ADAMTS9: variants seen among roughly 807,000 people sequenced by gnomAD.
ADAMTS9 encodes the protein ADAM metallopeptidase with thrombospondin type 1 motif 9.
A neutral mutation model predicts 257.1 loss-of-function variants in ADAMTS9; 107 were observed. The observed-to-expected ratio is 0.42, with a 90% CI of 0.36 to 0.49. ADAMTS9 has a LOEUF of 0.49. Ranked by LOEUF, ADAMTS9 falls within the 20% of genes least tolerant of loss-of-function variation. The pLI, the probability that ADAMTS9 is intolerant of heterozygous loss-of-function variation, is 0.03. For missense variants in ADAMTS9, 2,353 were observed against 2,469.1 expected, an observed-to-expected ratio of 0.95 and a Z score of 1.00; for synonymous variants, 982 against 880.9, an observed-to-expected ratio of 1.11 and a Z score of -2.03.
chr3:64,604,024 A>T lies in ADAMTS9; in HGVS notation c.3645T>A (p.Ser1215=). 1 of 1,614,128 alleles carries T rather than the reference A, an allele frequency of 6.2e-7. No individual in the cohort carries two copies. The highest frequency in any genetic ancestry group is 8.5e-7 in the Non-Finnish European group (1 of 1,180,006). ...RYVSCRDENG[S]VADESACATL... ...TAGCACAGGCACTCTCGTCAGCCAC[A>T]GAGCCATTCTCATCTCGGCAGCTGA... Residue 1215 remains serine, a synonymous_variant, in exon 25 of 40, where the codon TCT becomes TCA. Coordinates refer to ENST00000498707, the MANE Select transcript of ADAMTS9 (RefSeq NM_182920.2).
intron 38 of ADAMTS9, among the ~76,000 whole-genome samples, chr3:64,531,925 C>T (rs559745632): frequency 1.3e-5 from 2 of 152,294 alleles, no homozygotes; most frequent in East Asian, 1.9e-4. Flanking sequence ...TTCTGCCCCA[C>T]GTTCTCAGGA....
At chr3:64,607,196 C>T (rs766257607) in intron 22 of ADAMTS9, 117 bp from the exon 23 acceptor site, 344 of 1,390,426 alleles carry the variant, frequency 2.5e-4, no homozygotes, top group Non-Finnish European at 2.9e-4. Context: ...AGAGGGCTGG[C>T]GCTCAAATAA....
At chr3:64,647,809 C>A in intron 11 of ADAMTS9, 131 bp downstream of exon 11, 1 of 671,588 alleles carries the variant, frequency 1.5e-6, no homozygotes, top group Middle Eastern at 3.1e-4. Flanking sequence ...AACATCTGTC[C>A]TCTAAAAAAT....
rs182195917 is a variant in ADAMTS9 at position 64,631,127 on chromosome 3, T to C, written c.2389+328A>G. Among the ~76,000 whole-genome samples the C allele has an allele frequency of 3.7e-3, 558 of 152,324 alleles. 2 individuals are homozygous for C. The highest frequency in any genetic ancestry group is 0.013 in the African/African-American group (521 of 41,574). ...GCAAGTCAGTTCCCCACAGGACAGCTTTTTGAAAAGACTCAATGAGAGCAA... is the reference window on the plus strand; with the variant it reads ...GCAAGTCAGTTCCCCACAGGACAGCCTTTTGAAAAGACTCAATGAGAGCAA... On this transcript the variant is annotated intron_variant, in intron 16 of 39. Transcript: ENST00000498707.
At chr3:64,608,239 ATTAACAGCAAAC>A (rs1160915326) in intron 22 of ADAMTS9, among the ~76,000 whole-genome samples, 7 of 146,462 alleles carry the variant, frequency 4.8e-5, no homozygotes, top group Admixed American at 2.1e-4. Flanking sequence ...GAACTACAAA[ATTAACAGCAAAC>A]TAAAACCAAA....
intron 33 of ADAMTS9, 108 bp from the exon 34 acceptor site, chr3:64,541,728 T>C: frequency 6.4e-7 from 1 of 1,566,934 alleles, no homozygotes. Flanking sequence ...GCAAAGCGAA[T>C]GATTTCCTTC....
chr3:64,554,459 C>A (rs371101707), intron 30 of ADAMTS9, among the ~76,000 whole-genome samples: 1 of 152,096 alleles, frequency 6.6e-6, no homozygotes, highest in Non-Finnish European at 1.5e-5. Flanking sequence ...GAAAACAAAT[C>A]GAGTCCATGC....
intron 32 of ADAMTS9, among the ~76,000 whole-genome samples, chr3:64,544,035 T>C (rs1232265331): frequency 2.0e-5 from 3 of 152,026 alleles, no homozygotes; most frequent in African/African-American, 4.8e-5. Context: ...GAGAATAAAA[T>C]ACCTAGGAAT....
chr3:64,659,710 G>C (rs1251464677), intron 3 of ADAMTS9, among the ~76,000 whole-genome samples: 2 of 152,106 alleles, frequency 1.3e-5, no homozygotes, highest in Admixed American at 1.3e-4. Flanking sequence ...GCTCAGTTAA[G>C]GAAATAAATT....
chr3:64,685,210 T>G (rs1343834148), intron 2 of ADAMTS9: 2 of 152,254 alleles, frequency 1.3e-5, no homozygotes, highest in Non-Finnish European at 1.5e-5. Flanking sequence ...AACTACCCCC[T>G]CCCAGTCTTC....
At chr3:64,610,430 A>G (rs1304223671) in intron 22 of ADAMTS9, among the ~76,000 whole-genome samples, 3 of 152,152 alleles carry the variant, frequency 2.0e-5, no homozygotes, top group African/African-American at 7.2e-5. Flanking sequence ...GAAAAGGAAC[A>G]TTATTGAATT....
rs1014054801 is a variant in ADAMTS9, at chr3:64,568,313, T to C, written c.4524+55A>G. On this transcript the variant is annotated intron_variant, in intron 29 of 39. Coordinates refer to ENST00000498707, the MANE Select transcript of ADAMTS9 (RefSeq NM_182920.2). ...AGAAACACAAGTGAACACACTGGGG[T>C]CAGCCACGTGGCCAAACGTAAGGAA... 17 of 1,556,314 alleles carry C rather than the reference T, an allele frequency of 1.1e-5. No individual in the cohort carries two copies. The African/African-American group carries it at 2.2e-4, about 20-fold the overall frequency.
intron 4 of ADAMTS9, among the ~76,000 whole-genome samples, chr3:64,656,442 A>G (rs1701072381): frequency 6.6e-6 from 1 of 152,162 alleles, no homozygotes; most frequent in East Asian, 1.9e-4. Flanking sequence ...AAATACACAA[A>G]TGCATTTAGT....
In ADAMTS9 at chr3:64,516,861, A is replaced by T. The variant is rs928840173; in HGVS notation, c.*266T>A. On this transcript the variant is annotated 3_prime_UTR_variant, in exon 40 of 40. Transcript: ENST00000498707. ...TCATAATAGAATCATTTTACGTACA[A>T]AAATATTACATCACAATAAATAATT... 3 of 152,668 alleles carry T rather than the reference A, an allele frequency of 2.0e-5. No homozygotes were observed. The highest frequency in any genetic ancestry group is 7.2e-5 in the African/African-American group (3 of 41,458). The allele number at this position is 152,668 out of a possible 1,614,324, so 9.5% of individuals were successfully genotyped here. A position where few individuals can be genotyped will look rare whatever the true frequency, so the allele number is the denominator to read the frequency against.
At chr3:64,667,013 G>A (rs1701366980) in intron 3 of ADAMTS9, among the ~76,000 whole-genome samples, 1 of 152,140 alleles carries the variant, frequency 6.6e-6, no homozygotes, top group African/African-American at 2.4e-5. Context: ...AATAGTGTGA[G>A]CTGTTGTTTT....
intron 11 of ADAMTS9, among the ~76,000 whole-genome samples, chr3:64,646,248 G>A (rs1700784217): frequency 6.6e-6 from 1 of 152,150 alleles, no homozygotes; most frequent in Non-Finnish European, 1.5e-5. Flanking sequence ...TGTCAAATAG[G>A]TATCATGTTT....
chr3:64,541,845 G>T lies in ADAMTS9; in HGVS notation c.5190C>A (p.Val1730=). The T allele has an allele frequency of 6.2e-7, 1 of 1,614,198 alleles. No homozygotes were observed. Residue 1730 remains valine, a synonymous_variant, in exon 33 of 40, where the codon GTC becomes GTA. Coordinates refer to ENST00000498707, the MANE Select transcript of ADAMTS9 (RefSeq NM_182920.2). ...KPEERKTCRN[V]YNCELPQNCK... ...TTCAGTTGGCCAACTTACAGTTATA[G>T]ACATTACGGCAGGTTTTTCGTTCTT...
chr3:64,543,233 T>C (rs4645131), intron 32 of ADAMTS9, among the ~76,000 whole-genome samples: 150,854 of 152,266 alleles, frequency 0.99, 74,741 homozygotes, highest in East Asian at 1. Flanking sequence ...TTCCAATCAA[T>C]AGAAAAAGAG....
At chr3:64,528,917 G>A (rs565461826) in intron 38 of ADAMTS9, among the ~76,000 whole-genome samples, 60 of 151,946 alleles carry the variant, frequency 3.9e-4, no homozygotes, top group Middle Eastern at 3.4e-3. Context: ...CAAGATGGCA[G>A]AGCCAGTGGG....
Sources: gnomAD v4.1 joint callset for allele counts (sites outside exome capture counted in the v4.1 genomes callset) on GRCh38, gnomAD v4.1.1 for gene constraint, MANE v1.5 for transcripts, NCBI Gene and HGNC (gene_info 2026-07-23, HGNC 2026-07-21) for gene names.